CNGB3: variants seen among roughly 807,000 people sequenced by gnomAD.
CNGB3 encodes cyclic nucleotide gated channel subunit beta 3, also known as cyclic nucleotide-gated channel beta-3.
Under a neutral mutation model 92.8 loss-of-function variants are expected in CNGB3, and 86 were observed. The ratio of observed to expected loss-of-function variants is 0.93; its 90% CI spans 0.78 to 1.11. The LOEUF (loss-of-function observed/expected upper bound fraction) is 1.11. Among genes scored for constraint, CNGB3 ranks in the 50% least tolerant of loss-of-function variants. CNGB3 has a pLI of 0.00. For synonymous variants in CNGB3, 333 were observed against 332.7 expected (o/e 1.00, Z -0.01); for missense variants, 1,026 against 956.8 (o/e 1.07, Z -0.95).
At chr8:86,741,705 G>A (rs1192740166) in intron 1 of CNGB3, among the ~76,000 whole-genome samples, 3 of 152,042 alleles carry the variant, frequency 2.0e-5, no homozygotes, top group African/African-American at 4.8e-5. Flanking sequence ...GATGCCAGTA[G>A]ACTTCGCGAT....
chr8:86,592,346 C>T (rs1420731410), intron 15 of CNGB3, among the ~76,000 whole-genome samples: 3 of 152,202 alleles, frequency 2.0e-5, no homozygotes, highest in South Asian at 2.1e-4. Flanking sequence ...TGTTCCTATT[C>T]GGCCATCTTG....
At chr8:86,673,011 T>G (rs1823890688) in intron 3 of CNGB3, among the ~76,000 whole-genome samples, 1 of 152,232 alleles carries the variant, frequency 6.6e-6, no homozygotes, top group Admixed American at 6.5e-5. Flanking sequence ...TAAGACTTGT[T>G]GTCATAGATA....
At position 86,660,888 on chromosome 8, in the gene CNGB3, A is replaced by G. The variant is rs1219258739; in HGVS notation, c.852+6037T>C. ...AGGCCAGTTAGCTCAAGGCAATAAC[A>G]TTCTTCCCAGGCCTCTTAAGAAATA... is the stretch of plus-strand genomic sequence containing the variant. On this transcript the variant is annotated intron_variant, in intron 6 of 17. Transcript: ENST00000320005. 11 of 369,268 alleles carry G rather than the reference A, an allele frequency of 3.0e-5. No individual in the cohort carries two copies. The East Asian group carries it at 7.4e-4, about 25-fold the overall frequency. The allele number at this position is 369,268 out of a possible 1,614,324, so 22.9% of individuals were successfully genotyped here.
Position 86,667,060 on chromosome 8 carries a change from G to T in CNGB3, c.717C>A (p.Arg239=). The change falls in exon 6 of 18, where the codon CGC becomes CGA. Residue 239 remains arginine (R), a synonymous_variant. Transcript: ENST00000320005. ...YNWNCCFIPL[R]LVFPYQTADN... ...CTGCGGTTTGATATGGGAAGACGAG[G>T]CGCAGTGGTATAAAACAGCAGTTCC... The T allele has an allele frequency of 6.2e-7, 1 of 1,614,086 alleles. No homozygotes were observed. The highest frequency in any genetic ancestry group is 8.5e-7 in the Non-Finnish European group (1 of 1,179,980).
chr8:86,657,735 A>G, intron 6 of CNGB3: 1 of 465,930 alleles, frequency 2.1e-6, no homozygotes, highest in Non-Finnish European at 4.3e-6. Context: ...CAGCTCCTGC[A>G]GCTCCTGCAG....
intron 13 of CNGB3, among the ~76,000 whole-genome samples, chr8:86,624,746 C>T (rs1369556773): frequency 6.6e-6 from 1 of 152,196 alleles, no homozygotes; most frequent in African/African-American, 2.4e-5. Context: ...CAGTACCACC[C>T]TCATCCTTCT....
At chr8:86,585,408 C>T (rs760995936) in intron 15 of CNGB3, among the ~76,000 whole-genome samples, 1 of 151,998 alleles carries the variant, frequency 6.6e-6, no homozygotes, top group Non-Finnish European at 1.5e-5. Flanking sequence ...TCCAGGGCTG[C>T]CACATGTAGA....
At chr8:86,733,219 T>G (rs1317392474) in intron 2 of CNGB3, among the ~76,000 whole-genome samples, 1 of 152,142 alleles carries the variant, frequency 6.6e-6, no homozygotes, top group African/African-American at 2.4e-5. Flanking sequence ...TTGGGTCAAT[T>G]TGTTTAAGAT....
intron 3 of CNGB3, among the ~76,000 whole-genome samples, chr8:86,674,632 T>C (rs1279804301): frequency 6.6e-6 from 1 of 152,258 alleles, no homozygotes; most frequent in Non-Finnish European, 1.5e-5. Flanking sequence ...TATGTAACTA[T>C]GCTTCATCTG....
chr8:86,640,638 T>C (rs1216779400), intron 10 of CNGB3, among the ~76,000 whole-genome samples: 1 of 152,058 alleles, frequency 6.6e-6, no homozygotes, highest in Non-Finnish European at 1.5e-5. Flanking sequence ...TTTTATAGAA[T>C]TGAGGTGTTG....
intron 3 of CNGB3, among the ~76,000 whole-genome samples, chr8:86,712,485 T>G (rs1451803943): frequency 1.3e-5 from 2 of 152,088 alleles, no homozygotes; most frequent in East Asian, 3.9e-4. Context: ...AAGGGACAAA[T>G]TCAAATTTAG....
chr8:86,726,576 A>T lies in CNGB3; in HGVS notation c.293T>A (p.Val98Glu), dbSNP rs1009754229. 1.2e-6 allele frequency: 2 copies of T among 1,613,644 alleles called. No homozygotes were observed. The highest frequency in any genetic ancestry group is 3.3e-5 in the Admixed American group (2 of 59,966). Residue 98 changes from valine to glutamate, a missense_variant, in exon 3 of 18, where the codon GTG becomes GAG. Transcript: ENST00000320005. ...GGGGTCCATTTCCTTCTGCTCTGGCACTGTTCCAGTTGGTTCTGCTGCATT... is the reference window on the plus strand; with the variant it reads ...GGGGTCCATTTCCTTCTGCTCTGGCTCTGTTCCAGTTGGTTCTGCTGCATT... ...PQNAAEPTGT[V>E]PEQKEMDPGK...
Position 86,603,927 on chromosome 8 carries a change from C to T in CNGB3, c.1781+166G>A, listed in dbSNP as rs79332326. Among the ~76,000 whole-genome samples the T allele has an allele frequency of 7.2e-5, 11 of 152,278 alleles. No individual in the cohort carries two copies. In the East Asian group the frequency reaches 1.3e-3, roughly 19 times the overall value. ...AATGACCCAGTTCTTTTCCTTAGGTCGCTTTGGTGAAGGGATGAATAAAAA... is the reference window on the plus strand; with the variant it reads ...AATGACCCAGTTCTTTTCCTTAGGTTGCTTTGGTGAAGGGATGAATAAAAA... On this transcript the variant is annotated intron_variant, in intron 15 of 17. Transcript: ENST00000320005.
At chr8:86,588,733 G>A (rs1288336481) in intron 15 of CNGB3, among the ~76,000 whole-genome samples, 65 of 146,820 alleles carry the variant, frequency 4.4e-4, no homozygotes, top group Middle Eastern at 3.5e-3. Context: ...TGCTGGATTC[G>A]GTTTGCCAGT....
chr8:86,740,253 T>C (rs1241710456), intron 1 of CNGB3, among the ~76,000 whole-genome samples: 1 of 152,086 alleles, frequency 6.6e-6, no homozygotes, highest in Non-Finnish European at 1.5e-5. Flanking sequence ...GGTTAGAACA[T>C]AAAGATTGAC....
At chr8:86,598,644 C>T (rs1822222405) in intron 15 of CNGB3, among the ~76,000 whole-genome samples, 1 of 152,184 alleles carries the variant, frequency 6.6e-6, no homozygotes, top group Non-Finnish European at 1.5e-5. Flanking sequence ...TTTCTTGCCT[C>T]TTCCAGCTTC....
At chr8:86,698,263 T>C (rs1055880985) in intron 3 of CNGB3, among the ~76,000 whole-genome samples, 3 of 152,220 alleles carry the variant, frequency 2.0e-5, no homozygotes, top group African/African-American at 7.2e-5. Context: ...GTTATTTAGA[T>C]AGTCTTTGAA....
intron 8 of CNGB3, among the ~76,000 whole-genome samples, chr8:86,647,354 T>G (rs568397201): frequency 6.6e-4 from 99 of 151,112 alleles, no homozygotes; most frequent in African/African-American, 2.2e-3. Flanking sequence ...TGTAAAAGTA[T>G]GTTTACATTT....
chr8:86,619,728 CTTTTTTTTTT>C (rs71275868), intron 13 of CNGB3, among the ~76,000 whole-genome samples: 1 of 73,406 alleles, frequency 1.4e-5, no homozygotes, highest in African/African-American at 5.3e-5. Flanking sequence ...TGGTCTTGAC[CTTTTTTTTTT>C]TTTTTTTTTT....
Sources: gnomAD v4.1 joint callset for allele counts (sites outside exome capture counted in the v4.1 genomes callset) on GRCh38, gnomAD v4.1.1 for gene constraint, MANE v1.5 for transcripts, NCBI Gene and HGNC (gene_info 2026-07-23, HGNC 2026-07-21) for gene names.